HS2ST1: variants seen among roughly 807,000 people sequenced by gnomAD.
HS2ST1 encodes the protein 2-O-sulfotransferase.
A neutral mutation model predicts 42.9 loss-of-function variants in HS2ST1; 18 were observed. That is an observed-to-expected ratio of 0.42 (90% CI 0.29 to 0.62). The LOEUF (loss-of-function observed/expected upper bound fraction) is 0.62, where lower values mean the gene tolerates loss of function less well. HS2ST1 is among the 20% of genes least tolerant of loss of function. The pLI, the probability that HS2ST1 is intolerant of heterozygous loss-of-function variation, is 0.21. For missense variants in HS2ST1, 334 were observed against 433.8 expected (o/e 0.77, Z 2.04); for synonymous variants, 146 against 152.9 (o/e 0.95, Z 0.33).
chr1:87,107,053 G>T lies in HS2ST1; in HGVS notation c.*2357G>T, dbSNP rs531061571. ...GACATTATGTAAACAAATGAGCACA[G>T]TTATGTTCCAATAAAACTTTATTTA... On this transcript the variant is annotated 3_prime_UTR_variant, in exon 7 of 7. Transcript: ENST00000370550. 6.6e-6 allele frequency: 1 copy of T among 152,050 alleles called. No homozygotes were observed. The allele number at this position is 152,050 out of a possible 1,614,324, so 9.4% of individuals were successfully genotyped here.
In HS2ST1 at chr1:86,963,332, G is replaced by C. The variant is rs139507169; in HGVS notation, c.124+48172G>C. Among the ~76,000 whole-genome samples, 322 of 152,248 alleles carry C rather than the reference G, an allele frequency of 2.1e-3. 3 individuals are homozygous for C. The highest frequency in any genetic ancestry group is 3.6e-3 in the Non-Finnish European group (248 of 68,002). ...CCTACCGCAGTGTTTGTGTCCGTGG[G>C]TACTTGAGATTAGGGAGTGGTGATG... is the stretch of plus-strand genomic sequence containing the variant. On this transcript the variant is annotated intron_variant, in intron 1 of 6. Coordinates refer to ENST00000370550, the MANE Select transcript of HS2ST1 (RefSeq NM_012262.4).
intron 1 of HS2ST1, among the ~76,000 whole-genome samples, chr1:87,017,596 C>T (rs1040834432): frequency 7.9e-5 from 12 of 152,118 alleles, no homozygotes; most frequent in East Asian, 5.8e-4. Flanking sequence ...CACAGTCATT[C>T]GTCTTTTGTT....
chr1:86,978,789 T>G (rs1305026944), intron 1 of HS2ST1, among the ~76,000 whole-genome samples: 1 of 151,996 alleles, frequency 6.6e-6, no homozygotes. Context: ...CTCAGTCCCT[T>G]TTGTCTAAAA....
At chr1:87,103,699 C>A in intron 6 of HS2ST1, 110 bp downstream of exon 6, 1 of 867,110 alleles carries the variant, frequency 1.2e-6, no homozygotes, top group East Asian at 2.8e-5. Context: ...ACAGATAGCT[C>A]CAGAAAGGCA....
intron 1 of HS2ST1, among the ~76,000 whole-genome samples, chr1:86,951,822 A>G (rs117387888): frequency 4.8e-4 from 73 of 152,316 alleles, no homozygotes; most frequent in East Asian, 1.9e-3. Flanking sequence ...GGGATATTCT[A>G]TGTCCTTTGT....
At chr1:86,987,319 A>G (rs1435874543) in intron 1 of HS2ST1, among the ~76,000 whole-genome samples, 1 of 151,872 alleles carries the variant, frequency 6.6e-6, no homozygotes, top group East Asian at 1.9e-4. Flanking sequence ...CGTGATCCGT[A>G]TGCCTCGGCC....
At chr1:87,045,043 T>A (rs1265810982) in intron 1 of HS2ST1, 1 of 1,232,122 alleles carries the variant, frequency 8.1e-7, no homozygotes, top group East Asian at 2.4e-5. Flanking sequence ...TCTTCTTCAC[T>A]GACGTCAGCA....
intron 1 of HS2ST1, among the ~76,000 whole-genome samples, chr1:87,043,638 T>G (rs1481246175): frequency 1.3e-5 from 2 of 152,112 alleles, no homozygotes; most frequent in Non-Finnish European, 2.9e-5. Flanking sequence ...CACCCTGCCT[T>G]AAGTGTGGTT....
intron 1 of HS2ST1, among the ~76,000 whole-genome samples, chr1:86,922,674 T>A (rs777785441): frequency 4.6e-5 from 7 of 152,214 alleles, no homozygotes; most frequent in Non-Finnish European, 1.0e-4. Flanking sequence ...CTGGCTTGCA[T>A]TGTTTCTGAT....
In HS2ST1 at chr1:86,914,986, G is replaced by T; in HGVS notation, c.-51G>T. On this transcript the variant is annotated 5_prime_UTR_variant, in exon 1 of 7. Coordinates refer to ENST00000370550, the MANE Select transcript of HS2ST1 (RefSeq NM_012262.4). ...TCCCGGCGTCTCTCTCGCCTCCGGG[G>T]TCCCGCTCCCCGCCCCCCGCGGTAT... 6.2e-7 allele frequency: 1 copy of T among 1,610,542 alleles called. No individual in the cohort carries two copies. Among genetic ancestry groups the T allele is most frequent in the Non-Finnish European group, 8.5e-7 (1 of 1,179,200 alleles).
chr1:86,987,907 A>G (rs1431864256), intron 1 of HS2ST1, among the ~76,000 whole-genome samples: 1 of 152,172 alleles, frequency 6.6e-6, no homozygotes, highest in Non-Finnish European at 1.5e-5. Context: ...GCTGTTTTGG[A>G]AAATCTTCCC....
chr1:87,008,979 G>A (rs539896268), intron 1 of HS2ST1, among the ~76,000 whole-genome samples: 18 of 152,190 alleles, frequency 1.2e-4, no homozygotes, highest in Admixed American at 6.5e-5. Context: ...AAGTAGCTGG[G>A]ACCACAGGTG....
chr1:86,971,232 C>G (rs981273952), intron 1 of HS2ST1, among the ~76,000 whole-genome samples: 6 of 152,002 alleles, frequency 3.9e-5, no homozygotes, highest in African/African-American at 1.4e-4. Context: ...GAGGGAAGGT[C>G]TATACATTAG....
chr1:86,918,095 T>G (rs1039250869), intron 1 of HS2ST1, among the ~76,000 whole-genome samples: 1 of 152,212 alleles, frequency 6.6e-6, no homozygotes, highest in African/African-American at 2.4e-5. Flanking sequence ...GTGGCTTTAA[T>G]ATACCTTGAT....
chr1:87,046,126 A>G (rs1458779353), intron 1 of HS2ST1: 7 of 694,172 alleles, frequency 1.0e-5, no homozygotes, highest in African/African-American at 3.5e-5. Context: ...TTGGTTATGA[A>G]TGCTTTAGAT....
chr1:87,018,752 G>A (rs1195072682), intron 1 of HS2ST1, among the ~76,000 whole-genome samples: 3 of 152,096 alleles, frequency 2.0e-5, no homozygotes, highest in Admixed American at 6.5e-5. Flanking sequence ...TGGCCATTCC[G>A]TTTTAGTTCT....
intron 1 of HS2ST1, among the ~76,000 whole-genome samples, chr1:86,964,076 G>A (rs10873805): frequency 0.76 from 113,607 of 149,840 alleles, 43,822 homozygotes; most frequent in East Asian, 0.97. Flanking sequence ...CATCCCACAC[G>A]GGGTGGCGGG....
intron 1 of HS2ST1, among the ~76,000 whole-genome samples, chr1:86,953,055 C>T (rs1025589604): frequency 8.5e-5 from 13 of 152,198 alleles, no homozygotes; most frequent in Non-Finnish European, 1.8e-4. Flanking sequence ...CATCAGGTAT[C>T]CTAGCTAGAC....
chr1:86,922,855 A>G (rs1271110306), intron 1 of HS2ST1, among the ~76,000 whole-genome samples: 1 of 152,028 alleles, frequency 6.6e-6, no homozygotes, highest in African/African-American at 2.4e-5. Flanking sequence ...AGCTTCTTGG[A>G]TCTGTGAGTT....
Sources: gnomAD v4.1 joint callset for allele counts (sites outside exome capture counted in the v4.1 genomes callset) on GRCh38, gnomAD v4.1.1 for gene constraint, MANE v1.5 for transcripts, NCBI Gene and HGNC (gene_info 2026-07-23, HGNC 2026-07-21) for gene names.